ESRRB: variants seen among roughly 807,000 people sequenced by gnomAD.
ESRRB encodes the protein estrogen related receptor beta.
A neutral mutation model predicts 46.0 loss-of-function variants in ESRRB; 16 were observed. The observed-to-expected ratio is 0.35, with a 90% CI of 0.24 to 0.53. The LOEUF (loss-of-function observed/expected upper bound fraction) is 0.53. ESRRB is among the 20% of genes least tolerant of loss of function. The pLI, the probability that ESRRB is intolerant of heterozygous loss-of-function variation, is 0.93. For synonymous variants in ESRRB, 246 were observed against 259.6 expected, an observed-to-expected ratio of 0.95 and a Z score of 0.50; for missense variants, 488 against 607.4, an observed-to-expected ratio of 0.80 and a Z score of 2.07.
chr14:76,427,357 GTGTA>G (rs1887247806), intron 1 of ESRRB, among the ~76,000 whole-genome samples: 1 of 150,654 alleles, frequency 6.6e-6, no homozygotes, highest in African/African-American at 2.5e-5. Flanking sequence ...GTGTGTGTGT[GTGTA>G]TGTGTGTGTA....
At chr14:76,425,222 TG>T (rs999907323) in intron 1 of ESRRB, among the ~76,000 whole-genome samples, 19 of 152,124 alleles carry the variant, frequency 1.2e-4, no homozygotes, top group African/African-American at 4.6e-4. Flanking sequence ...TCATGAGGGG[TG>T]GGGTTGTATA....
At chr14:76,434,678 AAAAAAG>A (rs1196878697) in intron 1 of ESRRB, among the ~76,000 whole-genome samples, 6 of 151,592 alleles carry the variant, frequency 4.0e-5, no homozygotes, top group East Asian at 3.9e-4. Flanking sequence ...AAAAGAAAAG[AAAAAAG>A]AAAAAGAAAA....
At chr14:76,331,149 T>C (rs1236338823) in intron 1 of ESRRB, among the ~76,000 whole-genome samples, 1 of 152,040 alleles carries the variant, frequency 6.6e-6, no homozygotes, top group African/African-American at 2.4e-5. Flanking sequence ...CCGTCCCAAA[T>C]CCCGGCCATG....
rs568168098 is a variant in ESRRB, at chr14:76,475,529, G to C, written c.578-6487G>C. ...TTTCTATGACTAAGTAACATTTCAT[G>C]TATATACCACATTTGCTTCTCCACT... On this transcript the variant is annotated intron_variant, in intron 3 of 6. Transcript: ENST00000644823. Among the ~76,000 whole-genome samples the C allele has an allele frequency of 2.6e-5, 4 of 152,302 alleles. No individual in the cohort carries two copies. In the East Asian group the frequency reaches 7.7e-4, roughly 29 times the overall value.
At chr14:76,323,339 T>C (rs978534809) in intron 1 of ESRRB, among the ~76,000 whole-genome samples, 12 of 150,260 alleles carry the variant, frequency 8.0e-5, no homozygotes, top group Non-Finnish European at 1.6e-4. Flanking sequence ...AGAGAGGGTC[T>C]CACTCTGTTG....
upstream of ESRRB, among the ~76,000 whole-genome samples, chr14:76,366,349 T>C (rs549060817): frequency 4.6e-5 from 7 of 152,306 alleles, no homozygotes; most frequent in South Asian, 1.5e-3. Flanking sequence ...TTCACCTCTT[T>C]CCTGGATTTG....
Position 76,394,254 on chromosome 14 carries a change from T to C in ESRRB, c.50+17803T>C, listed in dbSNP as rs58061022. On this transcript the variant is annotated intron_variant, in intron 1 of 6. Transcript: ENST00000644823. ...TTTTCTTTTCCCCCATCCTTCTTTC[T>C]TTCTAGCCCTGTTTCCCTGCCTCTG... Among the ~76,000 whole-genome samples the C allele has an allele frequency of 8.4e-3, 1,274 of 152,270 alleles. 18 individuals are homozygous for C. The highest frequency in any genetic ancestry group is 0.03 in the African/African-American group (1,231 of 41,558).
intron 1 of ESRRB, among the ~76,000 whole-genome samples, chr14:76,335,915 A>G (rs1433871300): frequency 6.6e-6 from 1 of 152,212 alleles, no homozygotes; most frequent in Non-Finnish European, 1.5e-5. Flanking sequence ...TAATTGTCAC[A>G]ACAACCCCAG....
intron 2 of ESRRB, among the ~76,000 whole-genome samples, chr14:76,447,270 C>T (rs1382091758): frequency 1.7e-5 from 2 of 121,146 alleles, no homozygotes; most frequent in African/African-American, 8.9e-5. Context: ...TCCTTCCTTC[C>T]TTCCTTCCTT....
chr14:76,379,673 G>T (rs1192776768), intron 1 of ESRRB, among the ~76,000 whole-genome samples: 2 of 152,166 alleles, frequency 1.3e-5, no homozygotes, highest in Non-Finnish European at 1.5e-5. Context: ...TGAAGGCGAT[G>T]AACTGGGAGG....
At chr14:76,457,600 G>A (rs1463650831) in intron 2 of ESRRB, among the ~76,000 whole-genome samples, 3 of 152,066 alleles carry the variant, frequency 2.0e-5, no homozygotes, top group South Asian at 2.1e-4. Context: ...CAGAGCAGCC[G>A]TGGTGGCCTG....
Position 76,335,834 on chromosome 14 carries a change from C to T in ESRRB, c.2+24918C>T, listed in dbSNP as rs371684175. The stretch of plus-strand genomic sequence containing the variant: ...GGTGTCATAAGTTAATCACACCAAC[C>T]AGCATTCACTGAATGCTCATGATGC... On this transcript the variant is annotated intron_variant, in intron 1 of 6. Coordinates refer to the ESRRB transcript ENST00000512784. Among the ~76,000 whole-genome samples the T allele has an allele frequency of 4.1e-4, 63 of 152,338 alleles. 2 individuals are homozygous for T. In the South Asian group the frequency reaches 0.013, roughly 31 times the overall value.
intron 1 of ESRRB, among the ~76,000 whole-genome samples, chr14:76,351,507 G>A (rs1360736292): frequency 3.3e-5 from 5 of 152,158 alleles, no homozygotes; most frequent in African/African-American, 1.2e-4. Flanking sequence ...TTGGGTTAGG[G>A]CTTGCCCTGC....
intron 1 of ESRRB, among the ~76,000 whole-genome samples, chr14:76,423,436 G>A (rs139654044): frequency 1.3e-5 from 2 of 152,136 alleles, no homozygotes; most frequent in Non-Finnish European, 2.9e-5. Flanking sequence ...GAGCCACCGC[G>A]CCATCCTTTC....
At chr14:76,333,870 C>T (rs1251308568) in intron 1 of ESRRB, among the ~76,000 whole-genome samples, 1 of 152,008 alleles carries the variant, frequency 6.6e-6, no homozygotes, top group South Asian at 2.1e-4. Context: ...CGGCCCTCGG[C>T]TACCATGTTT....
chr14:76,422,092 C>T (rs1176319497), intron 1 of ESRRB, among the ~76,000 whole-genome samples: 1 of 151,716 alleles, frequency 6.6e-6, no homozygotes, highest in African/African-American at 2.4e-5. Context: ...GGCTACAGTC[C>T]CCTCCCTCAA....
chr14:76,374,691 CTG>C (rs1165824919), upstream of ESRRB, among the ~76,000 whole-genome samples: 1 of 152,204 alleles, frequency 6.6e-6, no homozygotes, highest in African/African-American at 2.4e-5. Context: ...ACCCCTCTTT[CTG>C]TCTCTGATGA....
chr14:76,323,981 T>A (rs181809024), intron 1 of ESRRB, among the ~76,000 whole-genome samples: 1 of 152,290 alleles, frequency 6.6e-6, no homozygotes, highest in East Asian at 1.9e-4. Context: ...TGTTCTTGGG[T>A]TCCATTGTCA....
chr14:76,385,758 A>G (rs187407777), intron 1 of ESRRB, among the ~76,000 whole-genome samples: 1 of 152,364 alleles, frequency 6.6e-6, no homozygotes, highest in East Asian at 1.9e-4. Flanking sequence ...TGGCCTTTGC[A>G]TTATGAATAA....
Sources: gnomAD v4.1 joint callset for allele counts (sites outside exome capture counted in the v4.1 genomes callset) on GRCh38, gnomAD v4.1.1 for gene constraint, MANE v1.5 for transcripts, NCBI Gene and HGNC (gene_info 2026-07-23, HGNC 2026-07-21) for gene names.